KCNQ1OT1: variants seen among roughly 807,000 people sequenced by gnomAD.
The protein encoded by KCNQ1OT1 is KCNQ1 antisense RNA 2 (non-protein coding).
At chr11:2,625,450 T>C in exon 1 of KCNQ1OT1, 1 of 398,556 alleles carries the variant, frequency 2.5e-6, no homozygotes, top group East Asian at 3.6e-5. Flanking sequence ...ATAGTAGTCA[T>C]CTGAGTGTAT....
chr11:2,641,042 C>T, exon 1 of KCNQ1OT1: 1 of 398,482 alleles, frequency 2.5e-6, no homozygotes, highest in Non-Finnish European at 4.4e-6. Flanking sequence ...ATATTTACCT[C>T]ATTTTCTTTT....
chr11:2,648,527 A>G lies in KCNQ1OT1; in HGVS notation n.51468T>C, dbSNP rs575081070. Reference sequence around the variant, plus strand: ...ATTTTTAAAATCAATTTCTTCATAGACACAGTGGTCATTCAGGAACATGTA... The same window carrying G: ...ATTTTTAAAATCAATTTCTTCATAGGCACAGTGGTCATTCAGGAACATGTA... On this transcript the variant is annotated non_coding_transcript_exon_variant, in exon 1 of 1. Transcript: ENST00000597346. 2.2e-4 allele frequency: 89 copies of G among 398,470 alleles called. 1 individual carries two copies. In the East Asian group the frequency reaches 3.1e-3, roughly 14 times the overall value. 24.7% of individuals were successfully genotyped at this position (398,470 alleles called of 1,614,324 possible). A position where few individuals can be genotyped will look rare whatever the true frequency, so the allele number is the denominator to read the frequency against.
At chr11:2,688,278 T>A (rs982989976) in exon 1 of KCNQ1OT1, 1 of 398,624 alleles carries the variant, frequency 2.5e-6, no homozygotes, top group African/African-American at 2.1e-5. Flanking sequence ...GACCTCTGTT[T>A]AGACAAGGAA....
Position 2,698,525 on chromosome 11 carries a change from C to T in KCNQ1OT1, n.1470G>A. ...TCTCACCTGGCAGGTGATCACCACC[C>T]CCAACTCAGACTGCAACCTTTACTT... On this transcript the variant is annotated non_coding_transcript_exon_variant, in exon 1 of 1. Coordinates refer to ENST00000597346, the Ensembl canonical transcript of KCNQ1OT1. The surrounding 1 kb of genome is among the most constrained non-coding windows in gnomAD (Gnocchi z 5.1). The T allele has an allele frequency of 2.5e-6, 1 of 398,546 alleles. No individual in the cohort carries two copies. Among genetic ancestry groups the T allele is most frequent in the Admixed American group, 4.4e-5 (1 of 22,728 alleles). 24.7% of individuals were successfully genotyped at this position (398,546 alleles called of 1,614,324 possible).
exon 1 of KCNQ1OT1, chr11:2,618,155 C>G: frequency 2.5e-6 from 1 of 398,298 alleles, no homozygotes; most frequent in Non-Finnish European, 4.4e-6. Context: ...GGGTTTTGGT[C>G]TTATGTTTAG....
exon 1 of KCNQ1OT1, chr11:2,688,911 C>A: frequency 2.5e-6 from 1 of 399,018 alleles, no homozygotes; most frequent in East Asian, 3.6e-5. Context: ...GCTAGGGCCA[C>A]CCCACACAGG....
exon 1 of KCNQ1OT1, chr11:2,637,526 T>C (rs1416777421): frequency 6.6e-6 from 1 of 152,262 alleles, no homozygotes; most frequent in African/African-American, 2.4e-5. Flanking sequence ...AGTTCTAGTT[T>C]GATTGCACTG....
rs923192309 is a variant in KCNQ1OT1, at chr11:2,674,396, C to CGT, written n.25597_25598dup. On this transcript the variant is annotated non_coding_transcript_exon_variant, in exon 1 of 1. Transcript: ENST00000597346. The surrounding 1 kb of genome is among the most constrained non-coding windows in gnomAD (Gnocchi z 5.9). The stretch of plus-strand genomic sequence containing the variant: ...CCTGCTTAGGGAAGGTGCATGCGTG[C>CGT]GTGTGTGTGTGCGCGCCCGCGCGCA... 106 of 148,440 alleles carry CGT rather than the reference C, an allele frequency of 7.1e-4. No homozygotes were observed. Among genetic ancestry groups the CGT allele is most frequent in the Non-Finnish European group, 1.4e-3 (95 of 68,268 alleles). The allele number at this position is 148,440 out of a possible 1,614,324, so 9.2% of individuals were successfully genotyped here. A position where few individuals can be genotyped will look rare whatever the true frequency, so the allele number is the denominator to read the frequency against.
chr11:2,682,082 G>A lies in KCNQ1OT1; in HGVS notation n.17913C>T. Reference sequence around the variant, plus strand: ...TAAGGGTTGAGGGATTGAGTCTAGGGCCCAGGGTCACAAAGCTAGGGAGCC... The same window carrying A: ...TAAGGGTTGAGGGATTGAGTCTAGGACCCAGGGTCACAAAGCTAGGGAGCC... On this transcript the variant is annotated non_coding_transcript_exon_variant, in exon 1 of 1. Transcript: ENST00000597346. The surrounding 1 kb of genome is among the most constrained non-coding windows in gnomAD (Gnocchi z 5.8). The A allele has an allele frequency of 2.5e-6, 1 of 398,546 alleles. No homozygotes were observed. The highest frequency in any genetic ancestry group is 4.4e-6 in the Non-Finnish European group (1 of 226,056). The allele number at this position is 398,546 out of a possible 1,614,324, so 24.7% of individuals were successfully genotyped here.
chr11:2,699,778 G>A (rs1850759190), exon 1 of KCNQ1OT1: 1 of 397,700 alleles, frequency 2.5e-6, no homozygotes, highest in Admixed American at 4.4e-5. Flanking sequence ...GGAGCCCCGA[G>A]GAGAACCGCG....
chr11:2,648,121 C>G (rs913077612), exon 1 of KCNQ1OT1: 11 of 293,826 alleles, frequency 3.7e-5, no homozygotes, highest in Non-Finnish European at 6.1e-5. Context: ...AGGAGGATTG[C>G]TTGAGCCCAG....
At chr11:2,666,539 C>T (rs1850071439) in exon 1 of KCNQ1OT1, 1 of 398,568 alleles carries the variant, frequency 2.5e-6, no homozygotes, top group Non-Finnish European at 4.4e-6. Flanking sequence ...CACATCACTA[C>T]TAATGTCTCC....
rs1419221631 is a variant in KCNQ1OT1, at chr11:2,626,341, T to G, written n.73654A>C. ...ATGGTATTAGGTAAGGGTCTCAACT[T>G]CAGTTATCCTGGCACCATTTGTTGA... On this transcript the variant is annotated non_coding_transcript_exon_variant, in exon 1 of 1. Coordinates refer to ENST00000597346, the Ensembl canonical transcript of KCNQ1OT1. This position sits in a 1 kb window ranked among gnomAD's most constrained non-coding sequence, Gnocchi z 4.0. The G allele has an allele frequency of 1.5e-5, 6 of 398,612 alleles. No individual in the cohort carries two copies. In the East Asian group the frequency reaches 2.1e-4, roughly 14 times the overall value. The allele number at this position is 398,612 out of a possible 1,614,324, so 24.7% of individuals were successfully genotyped here.
In KCNQ1OT1 at chr11:2,695,140, G is replaced by T. The variant is rs1394372849; in HGVS notation, n.4855C>A. On this transcript the variant is annotated non_coding_transcript_exon_variant, in exon 1 of 1. Coordinates refer to ENST00000597346, the Ensembl canonical transcript of KCNQ1OT1. This position sits in a 1 kb window ranked among gnomAD's most constrained non-coding sequence, Gnocchi z 5.2. ...GTCATGGAGGCACATTCATTCGTTG[G>T]TTCTTGGCTTTTGGGACTCTGCACA... The T allele has an allele frequency of 1.0e-5, 4 of 398,502 alleles. No individual in the cohort carries two copies. The highest frequency in any genetic ancestry group is 4.4e-5 in the Admixed American group (1 of 22,716). 24.7% of individuals were successfully genotyped at this position (398,502 alleles called of 1,614,324 possible). A position where few individuals can be genotyped will look rare whatever the true frequency, so the allele number is the denominator to read the frequency against.
chr11:2,668,500 A>G lies in KCNQ1OT1; in HGVS notation n.31495T>C, dbSNP rs1850123910. 1 of 398,530 alleles carries G rather than the reference A, an allele frequency of 2.5e-6. No individual in the cohort carries two copies. The highest frequency in any genetic ancestry group is 4.4e-6 in the Non-Finnish European group (1 of 226,070). 24.7% of individuals were successfully genotyped at this position (398,530 alleles called of 1,614,324 possible). The stretch of plus-strand genomic sequence containing the variant: ...TTTTCAGCCATGATGGTGAATGTCT[A>G]GCAGCATCAAATGGTGATTTTAATT... On this transcript the variant is annotated non_coding_transcript_exon_variant, in exon 1 of 1. Transcript: ENST00000597346. The surrounding 1 kb of genome is among the most constrained non-coding windows in gnomAD (Gnocchi z 4.3).
Position 2,642,660 on chromosome 11 carries a change from A to C in KCNQ1OT1, n.57335T>G, listed in dbSNP as rs1849597733. The C allele has an allele frequency of 5.0e-6, 2 of 397,584 alleles. No individual in the cohort carries two copies. Among genetic ancestry groups the C allele is most frequent in the South Asian group, 1.3e-4 (1 of 7,832 alleles). The allele number at this position is 397,584 out of a possible 1,614,324, so 24.6% of individuals were successfully genotyped here. A position where few individuals can be genotyped will look rare whatever the true frequency, so the allele number is the denominator to read the frequency against. ...TTTATATTTATTTAGTTTCTTGTTT[A>C]GTTCTGCTCTGATCTTCGTTATTTC... On this transcript the variant is annotated non_coding_transcript_exon_variant, in exon 1 of 1. Transcript: ENST00000597346. This position sits in a 1 kb window ranked among gnomAD's most constrained non-coding sequence, Gnocchi z 4.3.
In KCNQ1OT1 at chr11:2,679,793, G is replaced by C. The variant is rs1850357840; in HGVS notation, n.20202C>G. 4 of 398,458 alleles carry C rather than the reference G, an allele frequency of 1.0e-5. No individual in the cohort carries two copies. The highest frequency in any genetic ancestry group is 1.3e-5 in the Non-Finnish European group (3 of 226,072). The allele number at this position is 398,458 out of a possible 1,614,324, so 24.7% of individuals were successfully genotyped here. A position where few individuals can be genotyped will look rare whatever the true frequency, so the allele number is the denominator to read the frequency against. On this transcript the variant is annotated non_coding_transcript_exon_variant, in exon 1 of 1. Coordinates refer to ENST00000597346, the Ensembl canonical transcript of KCNQ1OT1. This position sits in a 1 kb window ranked among gnomAD's most constrained non-coding sequence, Gnocchi z 4.8. Reference sequence around the variant, plus strand: ...CACTAGGGCCTGTTAGGCCAGTTGAGGGCTAGAGGAGCACAAGGGGCCAGA... The same window carrying C: ...CACTAGGGCCTGTTAGGCCAGTTGACGGCTAGAGGAGCACAAGGGGCCAGA...
In KCNQ1OT1 at chr11:2,610,334, C is replaced by T. The variant is rs144313257; in HGVS notation, n.89661G>A. On this transcript the variant is annotated non_coding_transcript_exon_variant, in exon 1 of 1. Coordinates refer to ENST00000597346, the Ensembl canonical transcript of KCNQ1OT1. ...TTACATATATTACATCTTTATTATG[C>T]GCTATTATAATGATCATACTATATA... 1,336 of 397,924 alleles carry T rather than the reference C, an allele frequency of 3.4e-3. 1 individual carries two copies. The highest frequency in any genetic ancestry group is 3.2e-3 in the Non-Finnish European group (715 of 225,812). The allele number at this position is 397,924 out of a possible 1,614,324, so 24.6% of individuals were successfully genotyped here. A position where few individuals can be genotyped will look rare whatever the true frequency, so the allele number is the denominator to read the frequency against.
Position 2,623,154 on chromosome 11 carries a change from A to T in KCNQ1OT1, n.76841T>A, listed in dbSNP as rs1363269456. 10 of 398,510 alleles carry T rather than the reference A, an allele frequency of 2.5e-5. No homozygotes were observed. Among genetic ancestry groups the T allele is most frequent in the Non-Finnish European group, 4.0e-5 (9 of 226,166 alleles). 24.7% of individuals were successfully genotyped at this position (398,510 alleles called of 1,614,324 possible). A position where few individuals can be genotyped will look rare whatever the true frequency, so the allele number is the denominator to read the frequency against. ...CTTTCTTTCCCTCTCCTGTTCTGCC[A>T]TGGTAAAGATGTGCCTGCTTCTCCT... On this transcript the variant is annotated non_coding_transcript_exon_variant, in exon 1 of 1. Coordinates refer to ENST00000597346, the Ensembl canonical transcript of KCNQ1OT1. This position sits in a 1 kb window ranked among gnomAD's most constrained non-coding sequence, Gnocchi z 5.2.
Sources: allele counts gnomAD v4.1 joint callset, GRCh38; gene constraint gnomAD v4.1.1; non-coding constraint Gnocchi (gnomAD v3.1); transcripts MANE v1.5; gene names NCBI Gene and HGNC (gene_info 2026-07-23, HGNC 2026-07-21).